Variants in PDE7B observed in about 807,000 individuals in gnomAD.
PDE7B encodes the protein phosphodiesterase 7B.
PDE7B carries 29 observed loss-of-function variants against 56.2 expected under a neutral mutation model. The observed-to-expected ratio is 0.52, with a 90% CI of 0.38 to 0.70. The LOEUF is 0.70. Ranked by LOEUF, PDE7B falls within the 30% of genes least tolerant of loss-of-function variation. The pLI, the probability that PDE7B is intolerant of heterozygous loss-of-function variation, is 0.00. For synonymous variants in PDE7B, 197 were observed against 196.9 expected (o/e 1.00, Z 0.00); for missense variants, 490 against 565.0 (o/e 0.87, Z 1.35).
chr6:135,901,695 A>G (rs965894056), intron 1 of PDE7B, among the ~76,000 whole-genome samples: 8 of 152,156 alleles, frequency 5.3e-5, no homozygotes, highest in African/African-American at 1.7e-4. Context: ...TGAGTTTCCA[A>G]TTGTGTCCAC....
At chr6:135,986,918 G>T in intron 2 of PDE7B, among the ~76,000 whole-genome samples, 1 of 152,180 alleles carries the variant, frequency 6.6e-6, no homozygotes, top group East Asian at 1.9e-4. Context: ...AGCAGAAGAA[G>T]TGAGAAGGGA....
intron 2 of PDE7B, among the ~76,000 whole-genome samples, chr6:136,056,900 A>G (rs1776746501): frequency 6.6e-6 from 1 of 152,138 alleles, no homozygotes; most frequent in Non-Finnish European, 1.5e-5. Flanking sequence ...AAAAATTAAT[A>G]GCCTTCTATT....
chr6:136,013,094 G>T (rs917475032), intron 2 of PDE7B, among the ~76,000 whole-genome samples: 1 of 152,114 alleles, frequency 6.6e-6, no homozygotes, highest in Non-Finnish European at 1.5e-5. Context: ...ACTAACACAA[G>T]TGTTTGCCTT....
At chr6:135,928,968 A>G (rs1482335790) in intron 1 of PDE7B, among the ~76,000 whole-genome samples, 1 of 152,132 alleles carries the variant, frequency 6.6e-6, no homozygotes, top group Non-Finnish European at 1.5e-5. Context: ...AAAATAAATA[A>G]CAGAAAGTAT....
chr6:135,869,099 T>C (rs1775322080), intron 1 of PDE7B, among the ~76,000 whole-genome samples: 1 of 152,176 alleles, frequency 6.6e-6, no homozygotes, highest in Admixed American at 6.6e-5. Context: ...TATGAGGGCA[T>C]AAAACCAGAT....
chr6:136,003,348 A>G (rs1297524346), intron 2 of PDE7B, among the ~76,000 whole-genome samples: 4 of 151,806 alleles, frequency 2.6e-5, no homozygotes, highest in Admixed American at 2.6e-4. Context: ...AAATAACTAA[A>G]ATCAGAGCAG....
intron 1 of PDE7B, among the ~76,000 whole-genome samples, chr6:135,904,252 A>C (rs1488859087): frequency 6.6e-6 from 1 of 152,218 alleles, no homozygotes; most frequent in Non-Finnish European, 1.5e-5. Context: ...ATAAGTAAAT[A>C]TCTCCACCTG....
intron 1 of PDE7B, among the ~76,000 whole-genome samples, chr6:135,936,949 A>G (rs1279982719): frequency 3.3e-5 from 5 of 152,230 alleles, no homozygotes; most frequent in Non-Finnish European, 7.3e-5. Flanking sequence ...ATCTAAAGAA[A>G]TCTATCTGAT....
chr6:136,060,221 G>T (rs752729025), intron 2 of PDE7B, among the ~76,000 whole-genome samples: 1 of 152,120 alleles, frequency 6.6e-6, no homozygotes, highest in Non-Finnish European at 1.5e-5. Flanking sequence ...TCTAAATCTA[G>T]GTCATAATCC....
intron 1 of PDE7B, among the ~76,000 whole-genome samples, chr6:135,855,345 G>T (rs942502355): frequency 6.6e-6 from 1 of 152,060 alleles, no homozygotes; most frequent in Non-Finnish European, 1.5e-5. Flanking sequence ...ACGTATTCTG[G>T]TTGAGTATGA....
chr6:136,107,937 GC>G (rs1339039880), intron 2 of PDE7B, among the ~76,000 whole-genome samples: 2 of 152,046 alleles, frequency 1.3e-5, no homozygotes, highest in Non-Finnish European at 2.9e-5. Context: ...GACCATCCTG[GC>G]CAACATGGTG....
intron 1 of PDE7B, among the ~76,000 whole-genome samples, chr6:135,892,618 C>T (rs1386025251): frequency 6.6e-6 from 1 of 152,070 alleles, no homozygotes; most frequent in East Asian, 1.9e-4. Context: ...AATAGCTCAC[C>T]TCTTCTATAT....
intron 2 of PDE7B, among the ~76,000 whole-genome samples, chr6:135,970,474 A>T (rs1474447635): frequency 6.6e-6 from 1 of 152,142 alleles, no homozygotes. Flanking sequence ...TGAAACTTTA[A>T]CATGCATGCA....
chr6:135,961,004 T>C (rs1222131809), intron 2 of PDE7B, among the ~76,000 whole-genome samples: 1 of 152,212 alleles, frequency 6.6e-6, no homozygotes, highest in Non-Finnish European at 1.5e-5. Context: ...AACACAGCCA[T>C]GTCCATTCAT....
At chr6:135,967,371 C>T (rs1387705221) in intron 2 of PDE7B, among the ~76,000 whole-genome samples, 1 of 152,100 alleles carries the variant, frequency 6.6e-6, no homozygotes, top group Non-Finnish European at 1.5e-5. Flanking sequence ...CTGTCTATGC[C>T]AATATCAGGC....
At chr6:135,893,287 C>T (rs959272864) in intron 1 of PDE7B, among the ~76,000 whole-genome samples, 3 of 136,902 alleles carry the variant, frequency 2.2e-5, no homozygotes, top group Admixed American at 8.5e-5. Context: ...TCTCATTGTT[C>T]GATTCCCACC....
At chr6:135,883,101 A>G (rs889427989) in intron 1 of PDE7B, among the ~76,000 whole-genome samples, 1 of 152,098 alleles carries the variant, frequency 6.6e-6, no homozygotes, top group African/African-American at 2.4e-5. Flanking sequence ...AATACACTCC[A>G]TTTGGTCAAG....
At chr6:136,172,920 A>C (rs1446067677) in intron 8 of PDE7B, among the ~76,000 whole-genome samples, 1 of 152,154 alleles carries the variant, frequency 6.6e-6, no homozygotes, top group Non-Finnish European at 1.5e-5. Context: ...CAAAGAGAAT[A>C]AAATACCTAG....
At chr6:135,917,982 C>A (rs924442449) in intron 1 of PDE7B, among the ~76,000 whole-genome samples, 1 of 152,158 alleles carries the variant, frequency 6.6e-6, no homozygotes, top group African/African-American at 2.4e-5. Context: ...TCACAGCTCC[C>A]CAATAGAGCT....
Sources: allele counts gnomAD v4.1 joint callset (sites outside exome capture counted in the v4.1 genomes callset), GRCh38; gene constraint gnomAD v4.1.1; transcripts MANE v1.5; gene names NCBI Gene and HGNC (gene_info 2026-07-23, HGNC 2026-07-21).